The following CFAP53 variants were observed in gnomAD, a reference collection of about 807,000 sequenced individuals.
CFAP53 encodes the protein cilia and flagella associated protein 53.
CFAP53 carries 62 observed loss-of-function variants against 59.7 expected under a neutral mutation model. The ratio of observed to expected loss-of-function variants is 1.04; its 90% CI spans 0.85 to 1.28. CFAP53 has a LOEUF of 1.28. Among genes scored for constraint, CFAP53 ranks in the 50% most tolerant of loss-of-function variants. The probability of loss-of-function intolerance (pLI) is 0.00; values close to 1 mark genes in which losing one functional copy is unlikely to be tolerated. For synonymous variants in CFAP53, 218 were observed against 205.7 expected (o/e 1.06, Z -0.51); for missense variants, 629 against 615.6 (o/e 1.02, Z -0.23).
chr18:50,254,110 C>A, intron 3 of CFAP53, among the ~76,000 whole-genome samples: 1 of 126,080 alleles, frequency 7.9e-6, no homozygotes, highest in African/African-American at 3.0e-5. Flanking sequence ...TGCTGAATGT[C>A]TGGGGAAAGA....
intron 3 of CFAP53, among the ~76,000 whole-genome samples, chr18:50,259,096 C>T (rs992336774): frequency 6.6e-6 from 1 of 152,174 alleles, no homozygotes. Flanking sequence ...AATCCCACTG[C>T]TGAGTATAGG....
At chr18:50,255,869 C>A (rs201700163) in intron 3 of CFAP53, among the ~76,000 whole-genome samples, 24 of 146,066 alleles carry the variant, frequency 1.6e-4, no homozygotes, top group East Asian at 4.0e-4. Flanking sequence ...CAATGGAATA[C>A]AAAAAAAAAA....
At chr18:50,261,343 G>C in intron 2 of CFAP53, 106 bp from the exon 3 acceptor site, 1 of 1,210,292 alleles carries the variant, frequency 8.3e-7, no homozygotes, top group Non-Finnish European at 1.1e-6. Context: ...AGAAAAGAAA[G>C]ATCACTGCAG....
At position 50,242,516 on chromosome 18, in the gene CFAP53, C is replaced by T. The variant is rs112867929; in HGVS notation, c.1213+384G>A. On this transcript the variant is annotated intron_variant, in intron 6 of 7. Transcript: ENST00000398545. Reference sequence around the variant, plus strand: ...TTCTTCTGCTGTGGCTTCAGCCGGTCCCTCCATTCAGGGTCCCTGACTTCC... The same window carrying T: ...TTCTTCTGCTGTGGCTTCAGCCGGTTCCTCCATTCAGGGTCCCTGACTTCC... Among the ~76,000 whole-genome samples, 1,053 of 152,278 alleles carry T rather than the reference C, an allele frequency of 6.9e-3. 5 individuals carry two copies. The highest frequency in any genetic ancestry group is 0.014 in the Middle Eastern group (4 of 294).
At chr18:50,252,346 C>T (rs2033809348) in intron 3 of CFAP53, among the ~76,000 whole-genome samples, 3 of 152,154 alleles carry the variant, frequency 2.0e-5, no homozygotes, top group Admixed American at 6.5e-5. Context: ...TCTTGTGATC[C>T]GCCCACCTCA....
chr18:50,244,489 A>G (rs1334472486), intron 5 of CFAP53, among the ~76,000 whole-genome samples: 1 of 152,174 alleles, frequency 6.6e-6, no homozygotes, highest in East Asian at 1.9e-4. Context: ...GTTACCCAAT[A>G]TCAGGTAGTT....
intron 5 of CFAP53, among the ~76,000 whole-genome samples, chr18:50,246,904 C>T (rs1272805969): frequency 6.6e-6 from 1 of 151,974 alleles, no homozygotes; most frequent in Non-Finnish European, 1.5e-5. Flanking sequence ...AAAAATTAGC[C>T]AGGCGTGGTG....
intron 5 of CFAP53, among the ~76,000 whole-genome samples, chr18:50,247,245 C>T (rs2033753721): frequency 6.6e-6 from 1 of 151,978 alleles, no homozygotes; most frequent in South Asian, 2.1e-4. Context: ...CAAATAAAAA[C>T]CATAATGAGA....
chr18:50,240,329 T>C (rs2033678782), intron 6 of CFAP53, among the ~76,000 whole-genome samples: 1 of 152,196 alleles, frequency 6.6e-6, no homozygotes, highest in South Asian at 2.1e-4. Flanking sequence ...CCACCCTGAC[T>C]CATTCCAATT....
chr18:50,249,076 G>T (rs1425060911), intron 5 of CFAP53, among the ~76,000 whole-genome samples: 2 of 151,278 alleles, frequency 1.3e-5, no homozygotes, highest in Non-Finnish European at 2.9e-5. Flanking sequence ...AGTGGCACCC[G>T]CCTGTAATCC....
At chr18:50,261,927 T>A in intron 2 of CFAP53, 63 bp downstream of exon 2, 1 of 1,314,882 alleles carries the variant, frequency 7.6e-7, no homozygotes, top group Non-Finnish European at 1.1e-6. Flanking sequence ...TTTTGACTGG[T>A]CAATCTCAAA....
intron 5 of CFAP53, among the ~76,000 whole-genome samples, chr18:50,247,810 G>A (rs1441323294): frequency 6.6e-6 from 1 of 152,178 alleles, no homozygotes; most frequent in Non-Finnish European, 1.5e-5. Context: ...GGAGGCAGGA[G>A]GTGGGGAAGA....
intron 7 of CFAP53, among the ~76,000 whole-genome samples, chr18:50,227,936 G>T (rs1318069166): frequency 1.5e-5 from 2 of 137,926 alleles, no homozygotes; most frequent in Non-Finnish European, 1.5e-5. Flanking sequence ...TAAGCAAACT[G>T]CTCAATTCAA....
intron 7 of CFAP53, among the ~76,000 whole-genome samples, chr18:50,232,424 G>C (rs1462553833): frequency 6.6e-6 from 1 of 152,198 alleles, no homozygotes; most frequent in Non-Finnish European, 1.5e-5. Context: ...AGGCTCAACT[G>C]TTGGCTGCTT....
In CFAP53 at chr18:50,227,594, G is replaced by T; in HGVS notation, c.1332C>A (p.Ala444=). 6.2e-7 allele frequency: 1 copy of T among 1,613,736 alleles called. No individual in the cohort carries two copies. Among genetic ancestry groups the T allele is most frequent in the South Asian group, 1.1e-5 (1 of 91,050 alleles). ...KENFARRQRL[A]QEYRKQLQMQ... ...TCTGAAGTTGCTTCCTGTACTCCTG[G>T]GCTAAACGTTGGCGTCTAAAGTATT... is the stretch of plus-strand genomic sequence containing the variant. The change falls in exon 8 of 8, where the codon GCC becomes GCA. Residue 444 remains alanine (A), a synonymous_variant. Coordinates refer to ENST00000398545, the MANE Select transcript of CFAP53 (RefSeq NM_145020.5).
intron 6 of CFAP53, among the ~76,000 whole-genome samples, chr18:50,241,303 A>G (rs1265792179): frequency 1.3e-5 from 2 of 152,200 alleles, no homozygotes; most frequent in Non-Finnish European, 2.9e-5. Flanking sequence ...TCTCCAAATA[A>G]AGACCCTCCT....
chr18:50,236,329 C>T (rs553048496), intron 7 of CFAP53, among the ~76,000 whole-genome samples: 9 of 152,318 alleles, frequency 5.9e-5, no homozygotes, highest in Middle Eastern at 6.8e-3. Flanking sequence ...CTACAACTGT[C>T]TTGGTAAATT....
chr18:50,250,219 C>CA (rs58912526), intron 5 of CFAP53, among the ~76,000 whole-genome samples: 21 of 117,560 alleles, frequency 1.8e-4, no homozygotes, highest in Middle Eastern at 4.2e-3. Context: ...ACCCCTGTCT[C>CA]AAAAAAAAAA....
intron 5 of CFAP53, among the ~76,000 whole-genome samples, chr18:50,244,550 C>T (rs1755384687): frequency 6.6e-6 from 1 of 152,022 alleles, no homozygotes; most frequent in South Asian, 2.1e-4. Context: ...TAAAAAGAAC[C>T]AACAATCCTT....
Sources: allele counts gnomAD v4.1 joint callset (sites outside exome capture counted in the v4.1 genomes callset), GRCh38; gene constraint gnomAD v4.1.1; transcripts MANE v1.5; gene names NCBI Gene and HGNC (gene_info 2026-07-23, HGNC 2026-07-21).